The following IFT57 variants were observed in gnomAD, a reference collection of about 807,000 sequenced individuals.
IFT57 encodes the protein intraflagellar transport 57, also known as intraflagellar transport protein 57 homolog.
A neutral mutation model predicts 56.8 loss-of-function variants in IFT57; 59 were observed. That is an observed-to-expected ratio of 1.04 (90% CI 0.84 to 1.29). The LOEUF (loss-of-function observed/expected upper bound fraction) is 1.29, where lower values mean the gene tolerates loss of function less well. Among genes scored for constraint, IFT57 ranks in the 50% most tolerant of loss-of-function variants. The pLI is 0.00. For missense variants in IFT57, 470 were observed against 522.1 expected (o/e 0.90, Z 0.97); for synonymous variants, 209 against 186.1 (o/e 1.12, Z -1.00).
rs539382107 is a variant in IFT57, at chr3:108,173,898, G to A, written c.778-6034C>T. On this transcript the variant is annotated intron_variant, in intron 6 of 10. Transcript: ENST00000264538. ...AAAATATTTAATGAACAGCAAACAT[G>A]CATGCTAACAACATATATTAAAGTG... Among the ~76,000 whole-genome samples the A allele has an allele frequency of 4.7e-5, 7 of 149,430 alleles. No homozygotes were observed. In the South Asian group the frequency reaches 1.5e-3, roughly 31 times the overall value.
At chr3:108,214,051 T>G in intron 3 of IFT57, 30 bp from the exon 4 acceptor site, 42 of 1,253,798 alleles carry the variant, frequency 3.3e-5, no homozygotes, top group Non-Finnish European at 4.4e-5. Flanking sequence ...CATGAGGTGA[T>G]AATTTTAATA....
At chr3:108,177,107 G>C (rs1407986397) in intron 6 of IFT57, among the ~76,000 whole-genome samples, 1 of 151,730 alleles carries the variant, frequency 6.6e-6, no homozygotes, top group African/African-American at 2.4e-5. Flanking sequence ...GTGGATAATG[G>C]TTAGGGGAGA....
intron 5 of IFT57, among the ~76,000 whole-genome samples, chr3:108,197,908 G>A (rs2080252317): frequency 6.6e-6 from 1 of 152,022 alleles, no homozygotes; most frequent in South Asian, 2.1e-4. Context: ...TCATTGGAAG[G>A]GTTGCTGTGA....
At chr3:108,176,000 G>A (rs1223995018) in intron 6 of IFT57, among the ~76,000 whole-genome samples, 1 of 151,726 alleles carries the variant, frequency 6.6e-6, no homozygotes, top group Non-Finnish European at 1.5e-5. Flanking sequence ...CTGCAAAAAA[G>A]CAAGAGCAGA....
intron 7 of IFT57, 92 bp downstream of exon 7, chr3:108,167,701 A>C (rs2080070003): frequency 1.2e-6 from 1 of 866,182 alleles, no homozygotes; most frequent in Admixed American, 2.9e-5. Flanking sequence ...TAAAGGCAAA[A>C]ATTGTGTCTT....
At chr3:108,184,886 C>T (rs1405778905) in intron 6 of IFT57, among the ~76,000 whole-genome samples, 1 of 152,048 alleles carries the variant, frequency 6.6e-6, no homozygotes, top group African/African-American at 2.4e-5. Flanking sequence ...TTAGCATAAA[C>T]CCTGAATAAC....
intron 6 of IFT57, among the ~76,000 whole-genome samples, chr3:108,176,323 A>G (rs922235210): frequency 1.3e-5 from 2 of 151,860 alleles, no homozygotes; most frequent in Non-Finnish European, 2.9e-5. Flanking sequence ...AAGAAATCCT[A>G]TACCTCCATT....
intron 5 of IFT57, among the ~76,000 whole-genome samples, chr3:108,198,195 G>C (rs1257227747): frequency 1.3e-5 from 2 of 152,142 alleles, no homozygotes; most frequent in East Asian, 3.9e-4. Flanking sequence ...TAGAGCACAA[G>C]CTCTAAAACA....
rs566559005 is a variant in IFT57, at chr3:108,174,055, G to A, written c.778-6191C>T. Among the ~76,000 whole-genome samples, 3 of 142,316 alleles carry A rather than the reference G, an allele frequency of 2.1e-5. No homozygotes were observed. In the Admixed American group the frequency reaches 2.1e-4, roughly 10 times the overall value. 93.4% of individuals were successfully genotyped at this position (142,316 alleles called of 152,430 possible). ...GTGTGTGTGTGTGTGTTTAAGACAG[G>A]GATTTGAATATGGGTACTTTTAAAT... On this transcript the variant is annotated intron_variant, in intron 6 of 10. Transcript: ENST00000264538.
At chr3:108,214,454 A>G (rs2080359926) in intron 3 of IFT57, among the ~76,000 whole-genome samples, 1 of 152,128 alleles carries the variant, frequency 6.6e-6, no homozygotes, top group South Asian at 2.1e-4. Context: ...TACACATACC[A>G]TTTAGAATAA....
intron 6 of IFT57, among the ~76,000 whole-genome samples, chr3:108,168,589 A>G (rs1008251822): frequency 6.6e-6 from 1 of 151,892 alleles, no homozygotes; most frequent in African/African-American, 2.4e-5. Context: ...TCAACCTGTC[A>G]TCTAGGTTTT....
At chr3:108,190,361 G>A (rs971373464) in intron 6 of IFT57, among the ~76,000 whole-genome samples, 5 of 152,138 alleles carry the variant, frequency 3.3e-5, no homozygotes, top group African/African-American at 7.2e-5. Context: ...ATTGTAATCC[G>A]CAAGTGTTAA....
At chr3:108,221,647 G>A (rs996128195) in intron 1 of IFT57, among the ~76,000 whole-genome samples, 1 of 152,002 alleles carries the variant, frequency 6.6e-6, no homozygotes, top group African/African-American at 2.4e-5. Flanking sequence ...GTATGAACAG[G>A]GTCTTAAACA....
chr3:108,189,367 C>T (rs921010765), intron 6 of IFT57, among the ~76,000 whole-genome samples: 1 of 152,188 alleles, frequency 6.6e-6, no homozygotes, highest in South Asian at 2.1e-4. Flanking sequence ...TTACTTCCTA[C>T]CTGCTCTGAG....
chr3:108,192,141 C>T lies in IFT57; in HGVS notation c.655-498G>A, dbSNP rs1220632056. 4.7e-5 allele frequency among the ~76,000 whole-genome samples: 6 copies of T among 126,594 alleles called. No homozygotes were observed. In the East Asian group the frequency reaches 1.5e-3, roughly 32 times the overall value. The allele number at this position is 126,594 out of a possible 152,430, so 83.1% of individuals were successfully genotyped here. On this transcript the variant is annotated intron_variant, in intron 5 of 10. Transcript: ENST00000264538. ...GAGCCAAGATCATGCTACTGCACTA[C>T]TCCAGCCTGGGTGACAGAGCGAGAC...
At position 108,211,547 on chromosome 3, in the gene IFT57, A is replaced by G. The variant is rs1455892882; in HGVS notation, c.585+2384T>C. Among the ~76,000 whole-genome samples the G allele has an allele frequency of 2.0e-5, 3 of 152,230 alleles. No individual in the cohort carries two copies. The East Asian group carries it at 5.8e-4, about 29-fold the overall frequency. On this transcript the variant is annotated intron_variant, in intron 4 of 10. Transcript: ENST00000264538. ...TTCTTTCTGCCTTCAAAGCTTTGGC[A>G]CATGCTACACAGTCAGGGCCTTGGC...
chr3:108,167,198 T>C (rs943952690), intron 7 of IFT57: 4 of 485,994 alleles, frequency 8.2e-6, no homozygotes, highest in African/African-American at 3.9e-5. Context: ...CACCTGGCAG[T>C]GTTAGTCAAT....
At chr3:108,162,998 G>A (rs2080042074) in intron 10 of IFT57, among the ~76,000 whole-genome samples, 1 of 152,016 alleles carries the variant, frequency 6.6e-6, no homozygotes, top group Non-Finnish European at 1.5e-5. Flanking sequence ...AAGGGGAAGA[G>A]AGAATTATCT....
At chr3:108,178,087 A>T (rs2080133592) in intron 6 of IFT57, among the ~76,000 whole-genome samples, 1 of 151,876 alleles carries the variant, frequency 6.6e-6, no homozygotes, top group Non-Finnish European at 1.5e-5. Flanking sequence ...AATAGTATCA[A>T]ATAACAACAA....
Sources: allele counts gnomAD v4.1 joint callset (sites outside exome capture counted in the v4.1 genomes callset), GRCh38; gene constraint gnomAD v4.1.1; transcripts MANE v1.5; gene names NCBI Gene and HGNC (gene_info 2026-07-23, HGNC 2026-07-21).